Variants in FHIT observed in about 807,000 individuals in gnomAD.
The protein encoded by FHIT is fragile histidine triad diadenosine triphosphatase.
In FHIT, 19 loss-of-function variants were observed where a neutral mutation model predicts 17.9. That is an observed-to-expected ratio of 1.06 (90% confidence interval 0.74 to 1.56). FHIT has a LOEUF of 1.56. FHIT is among the 40% of genes most tolerant of loss of function. The pLI is 0.00. For missense variants in FHIT, 248 were observed against 189.2 expected (o/e 1.31, Z -1.82); for synonymous variants, 81 against 69.7 (o/e 1.16, Z -0.81).
At chr3:60,395,867 C>T (rs1417831236) in intron 5 of FHIT, among the ~76,000 whole-genome samples, 7 of 152,102 alleles carry the variant, frequency 4.6e-5, no homozygotes, top group African/African-American at 7.2e-5. Flanking sequence ...CCAGCTTGGA[C>T]AGGGTTATTA....
chr3:59,889,011 C>A (rs1228268004), intron 8 of FHIT, among the ~76,000 whole-genome samples: 4 of 152,196 alleles, frequency 2.6e-5, no homozygotes, highest in African/African-American at 9.7e-5. Context: ...TCAATTCATT[C>A]ATGACAGCAG....
At chr3:60,804,151 A>G (rs1701300450) in intron 4 of FHIT, among the ~76,000 whole-genome samples, 1 of 152,216 alleles carries the variant, frequency 6.6e-6, no homozygotes, top group Admixed American at 6.5e-5. Flanking sequence ...GAGAGCCTGA[A>G]AAACACTTTT....
chr3:60,949,132 A>G (rs557491013), intron 3 of FHIT, among the ~76,000 whole-genome samples: 1 of 152,298 alleles, frequency 6.6e-6, no homozygotes, highest in African/African-American at 2.4e-5. Context: ...GTTCTTAGCA[A>G]GTTCCGGAAC....
chr3:60,238,354 T>C (rs538651424), intron 5 of FHIT, among the ~76,000 whole-genome samples: 126 of 151,588 alleles, frequency 8.3e-4, no homozygotes, highest in Non-Finnish European at 1.1e-3. Flanking sequence ...TAATATTAAA[T>C]GTTTTAAAAC....
intron 2 of FHIT, among the ~76,000 whole-genome samples, chr3:61,166,797 G>A (rs1029994826): frequency 2.0e-5 from 3 of 152,212 alleles, no homozygotes; most frequent in African/African-American, 7.2e-5. Flanking sequence ...GGCACTATGT[G>A]AGGCAATGGG....
chr3:60,866,490 T>C (rs1704166512), intron 3 of FHIT, among the ~76,000 whole-genome samples: 1 of 152,112 alleles, frequency 6.6e-6, no homozygotes, highest in Non-Finnish European at 1.5e-5. Flanking sequence ...ATACTCTCCA[T>C]CAAGCTGCCA....
At chr3:60,696,000 A>T (rs1553700554) in intron 4 of FHIT, among the ~76,000 whole-genome samples, 1 of 152,134 alleles carries the variant, frequency 6.6e-6, no homozygotes, top group Non-Finnish European at 1.5e-5. Context: ...AGATAAGGAG[A>T]GTGTGCAGCC....
intron 2 of FHIT, among the ~76,000 whole-genome samples, chr3:61,100,309 T>C (rs747559549): frequency 6.6e-6 from 1 of 152,136 alleles, no homozygotes; most frequent in Non-Finnish European, 1.5e-5. Context: ...GAACATGCGG[T>C]GTCCGGTTTT....
intron 4 of FHIT, among the ~76,000 whole-genome samples, chr3:60,727,215 A>G (rs1444687065): frequency 6.6e-6 from 1 of 152,108 alleles, no homozygotes; most frequent in Admixed American, 6.5e-5. Context: ...TAAAGCTCAG[A>G]ATGTAATAAA....
intron 4 of FHIT, among the ~76,000 whole-genome samples, chr3:60,598,091 C>T (rs1368671586): frequency 1.3e-5 from 2 of 152,094 alleles, no homozygotes; most frequent in African/African-American, 4.8e-5. Context: ...ATGTATCATC[C>T]TAAGCACCCA....
At chr3:60,713,640 C>A (rs1183715033) in intron 4 of FHIT, among the ~76,000 whole-genome samples, 1 of 152,140 alleles carries the variant, frequency 6.6e-6, no homozygotes, top group Non-Finnish European at 1.5e-5. Context: ...TCAGAGAATA[C>A]TATAAACACC....
chr3:61,234,808 C>T (rs971840642), intron 1 of FHIT, among the ~76,000 whole-genome samples: 1 of 152,116 alleles, frequency 6.6e-6, no homozygotes, highest in Admixed American at 6.5e-5. Flanking sequence ...CCTGCAGATC[C>T]AATGGAGTTA....
intron 4 of FHIT, among the ~76,000 whole-genome samples, chr3:60,625,200 C>T (rs377010318): frequency 1.3e-5 from 2 of 152,302 alleles, no homozygotes; most frequent in Non-Finnish European, 2.9e-5. Flanking sequence ...TGAACGACCA[C>T]GCCTGGCCTT....
intron 5 of FHIT, among the ~76,000 whole-genome samples, chr3:60,488,839 A>C (rs906929928): frequency 6.6e-6 from 1 of 152,262 alleles, no homozygotes; most frequent in Non-Finnish European, 1.5e-5. Flanking sequence ...AAGGAAAATC[A>C]AGATAAAAAC....
chr3:60,585,163 T>C (rs995868860), intron 4 of FHIT, among the ~76,000 whole-genome samples: 1 of 151,972 alleles, frequency 6.6e-6, no homozygotes, highest in African/African-American at 2.4e-5. Flanking sequence ...AATATGACAA[T>C]AGTTCATGTG....
chr3:59,845,976 C>G (rs1046892916), intron 8 of FHIT, among the ~76,000 whole-genome samples: 5 of 152,114 alleles, frequency 3.3e-5, no homozygotes, highest in Non-Finnish European at 5.9e-5. Flanking sequence ...ATTTGCATCA[C>G]TGGTTCTAAA....
At chr3:60,483,950 T>C (rs2033727142) in intron 5 of FHIT, among the ~76,000 whole-genome samples, 1 of 152,080 alleles carries the variant, frequency 6.6e-6, no homozygotes. Context: ...GCCCCCAAAC[T>C]CCTTAAACTG....
intron 1 of FHIT, among the ~76,000 whole-genome samples, chr3:61,241,148 G>C (rs1401628270): frequency 1.3e-5 from 2 of 152,044 alleles, no homozygotes; most frequent in Non-Finnish European, 2.9e-5. Context: ...CACACTCTCT[G>C]CATTTGTTTT....
chr3:60,346,137 C>G (rs565155991), intron 5 of FHIT, among the ~76,000 whole-genome samples: 1 of 152,260 alleles, frequency 6.6e-6, no homozygotes, highest in African/African-American at 2.4e-5. Context: ...TGTCTGCGCC[C>G]AAATACACAG....
Sources: allele counts gnomAD v4.1 joint callset (sites outside exome capture counted in the v4.1 genomes callset), GRCh38; gene constraint gnomAD v4.1.1; transcripts MANE v1.5; gene names NCBI Gene and HGNC (gene_info 2026-07-23, HGNC 2026-07-21).